ST6GALNAC5: variants seen among roughly 807,000 people sequenced by gnomAD.
ST6GALNAC5 encodes the protein alpha-N-acetylgalactosaminide alpha-2,6-sialyltransferase 5.
In ST6GALNAC5, 27 loss-of-function variants were observed where a neutral mutation model predicts 33.6. The observed-to-expected ratio is 0.80, with a 90% CI of 0.59 to 1.11. The LOEUF is 1.11. Ranked by LOEUF, ST6GALNAC5 falls within the 50% of genes least tolerant of loss-of-function variation. The pLI, the probability that ST6GALNAC5 is intolerant of heterozygous loss-of-function variation, is 0.00. For missense variants in ST6GALNAC5, 428 were observed against 454.0 expected (o/e 0.94, Z 0.52); for synonymous variants, 194 against 171.2 (o/e 1.13, Z -1.04).
chr1:76,935,919 G>A (rs1470416629), intron 2 of ST6GALNAC5, among the ~76,000 whole-genome samples: 1 of 151,946 alleles, frequency 6.6e-6, no homozygotes, highest in Non-Finnish European at 1.5e-5. Flanking sequence ...TGGCTTCTGT[G>A]CCAGATTATG....
chr1:76,927,784 C>A (rs1457626199), intron 2 of ST6GALNAC5, among the ~76,000 whole-genome samples: 1 of 152,036 alleles, frequency 6.6e-6, no homozygotes. Context: ...TAAAATGTAT[C>A]TATTCTCTTT....
At chr1:77,039,621 A>G (rs1053185842) in intron 2 of ST6GALNAC5, among the ~76,000 whole-genome samples, 2 of 152,202 alleles carry the variant, frequency 1.3e-5, no homozygotes, top group Admixed American at 1.3e-4. Context: ...TTATTCATCC[A>G]TCTATTCAGT....
At chr1:76,915,181 A>T (rs1488588606) in intron 2 of ST6GALNAC5, among the ~76,000 whole-genome samples, 5 of 151,602 alleles carry the variant, frequency 3.3e-5, no homozygotes, top group Admixed American at 2.0e-4. Flanking sequence ...ATCATTAAAA[A>T]GTCAGGAAAC....
chr1:76,982,990 T>G (rs543639694), intron 2 of ST6GALNAC5, among the ~76,000 whole-genome samples: 1 of 151,892 alleles, frequency 6.6e-6, no homozygotes, highest in African/African-American at 2.4e-5. Context: ...CAGGCCTGCT[T>G]TACAAGAGCT....
chr1:76,958,579 T>A (rs1260440722), intron 2 of ST6GALNAC5, among the ~76,000 whole-genome samples: 2 of 152,184 alleles, frequency 1.3e-5, no homozygotes. Context: ...AAGAACACTG[T>A]CTTCTGTTGA....
At chr1:76,991,768 C>A (rs1004187696) in intron 2 of ST6GALNAC5, among the ~76,000 whole-genome samples, 6 of 152,050 alleles carry the variant, frequency 3.9e-5, no homozygotes. Flanking sequence ...TTATAGACAT[C>A]TTAAATCATG....
chr1:76,964,828 A>G (rs1004764048), intron 2 of ST6GALNAC5, among the ~76,000 whole-genome samples: 2 of 152,034 alleles, frequency 1.3e-5, no homozygotes, highest in African/African-American at 2.4e-5. Flanking sequence ...TCATTGTTCA[A>G]TTCCTACCTA....
At position 76,985,917 on chromosome 1, in the gene ST6GALNAC5, T is replaced by G. The variant is rs186466812; in HGVS notation, c.262-58287T>G. 8.0e-3 allele frequency among the ~76,000 whole-genome samples: 1,224 copies of G among 152,356 alleles called. 25 individuals are homozygous for G. Among genetic ancestry groups the G allele is most frequent in the African/African-American group, 0.028 (1,167 of 41,582 alleles). The stretch of plus-strand genomic sequence containing the variant: ...AACAAGAAATGGGGAAAGAATTCCC[T>G]ATTTAATAAATGGTGTTGGGAAAAC... On this transcript the variant is annotated intron_variant, in intron 2 of 4. Transcript: ENST00000477717.
intron 4 of ST6GALNAC5, among the ~76,000 whole-genome samples, chr1:77,056,831 C>T (rs1002879645): frequency 1.1e-4 from 17 of 152,124 alleles, no homozygotes; most frequent in Non-Finnish European, 2.1e-4. Flanking sequence ...GTGCTCCATG[C>T]GCCTAGACAC....
chr1:76,939,153 C>T (rs1241420937), intron 2 of ST6GALNAC5, among the ~76,000 whole-genome samples: 2 of 152,024 alleles, frequency 1.3e-5, no homozygotes, highest in Non-Finnish European at 2.9e-5. Context: ...ATGGATTGCT[C>T]TGCTTGGCAT....
intron 2 of ST6GALNAC5, among the ~76,000 whole-genome samples, chr1:76,927,169 C>A (rs1041430415): frequency 1.3e-5 from 2 of 152,016 alleles, no homozygotes; most frequent in African/African-American, 4.8e-5. Flanking sequence ...TTAACACCTT[C>A]AAATAACACC....
chr1:76,998,707 C>T (rs1043277770), intron 2 of ST6GALNAC5, among the ~76,000 whole-genome samples: 1 of 152,096 alleles, frequency 6.6e-6, no homozygotes. Flanking sequence ...AAACCTGAAC[C>T]ATCATTGAGT....
intron 2 of ST6GALNAC5, among the ~76,000 whole-genome samples, chr1:77,027,952 A>G (rs890397485): frequency 3.9e-5 from 6 of 152,072 alleles, no homozygotes; most frequent in African/African-American, 1.4e-4. Context: ...ATCCCTCCTG[A>G]GTAAGTCTTA....
rs886738382 is a variant in ST6GALNAC5 at position 76,939,057 on chromosome 1, T to A, written c.261+70315T>A. Among the ~76,000 whole-genome samples the A allele has an allele frequency of 3.3e-5, 5 of 152,144 alleles. No homozygotes were observed. The East Asian group carries it at 7.8e-4, about 24-fold the overall frequency. ...CCAGGAGGCATTCTTTGCACTCTAGTGTTCTGGAGGTGGCTGCAGTCTGGG... is the reference window on the plus strand; with the variant it reads ...CCAGGAGGCATTCTTTGCACTCTAGAGTTCTGGAGGTGGCTGCAGTCTGGG... On this transcript the variant is annotated intron_variant, in intron 2 of 4. Coordinates refer to ENST00000477717, the MANE Select transcript of ST6GALNAC5 (RefSeq NM_030965.3).
intron 2 of ST6GALNAC5, among the ~76,000 whole-genome samples, chr1:76,893,928 G>T (rs930219292): frequency 1.3e-5 from 2 of 152,124 alleles, no homozygotes; most frequent in African/African-American, 2.4e-5. Flanking sequence ...CAAAGTGCTG[G>T]TATTACAGGA....
At position 77,055,978 on chromosome 1, in the gene ST6GALNAC5, A is replaced by G. The variant is rs184191911; in HGVS notation, c.779+5613A>G. Among the ~76,000 whole-genome samples, 392 of 152,346 alleles carry G rather than the reference A, an allele frequency of 2.6e-3. 3 individuals are homozygous for G. The highest frequency in any genetic ancestry group is 8.5e-4 in the Non-Finnish European group (58 of 68,036). ...CAAAAGTGCCAGGCACATTAAAACTATAACTAGCAAATTCAGATTTTGAGA... is the reference window on the plus strand; with the variant it reads ...CAAAAGTGCCAGGCACATTAAAACTGTAACTAGCAAATTCAGATTTTGAGA... On this transcript the variant is annotated intron_variant, in intron 4 of 4. Coordinates refer to ENST00000477717, the MANE Select transcript of ST6GALNAC5 (RefSeq NM_030965.3).
chr1:76,895,143 G>T (rs1004252781), intron 2 of ST6GALNAC5, among the ~76,000 whole-genome samples: 7 of 152,206 alleles, frequency 4.6e-5, no homozygotes, highest in Non-Finnish European at 8.8e-5. Flanking sequence ...ATCAGTTAAG[G>T]CAGGAACCGG....
At chr1:77,012,060 G>A (rs969788870) in intron 2 of ST6GALNAC5, among the ~76,000 whole-genome samples, 5 of 152,142 alleles carry the variant, frequency 3.3e-5, no homozygotes, top group South Asian at 2.1e-4. Context: ...CAGACCTGGC[G>A]ATTCTTAGGT....
chr1:76,896,476 T>C (rs1286075481), intron 2 of ST6GALNAC5, among the ~76,000 whole-genome samples: 1 of 152,152 alleles, frequency 6.6e-6, no homozygotes, highest in African/African-American at 2.4e-5. Flanking sequence ...GCTAGTGGCT[T>C]GTACTATAGC....
Sources: gnomAD v4.1 joint callset for allele counts (sites outside exome capture counted in the v4.1 genomes callset) on GRCh38, gnomAD v4.1.1 for gene constraint, MANE v1.5 for transcripts, NCBI Gene and HGNC (gene_info 2026-07-23, HGNC 2026-07-21) for gene names.